Variants in LRRC56 observed in about 807,000 individuals in gnomAD.
LRRC56 encodes leucine rich repeat containing 56.
LRRC56 carries 41 observed loss-of-function variants against 47.8 expected under a neutral mutation model. The observed-to-expected ratio is 0.86, with a 90% CI of 0.67 to 1.11. The LOEUF (loss-of-function observed/expected upper bound fraction) is 1.11, where lower values mean the gene tolerates loss of function less well. Among genes scored for constraint, LRRC56 ranks in the 50% most tolerant of loss-of-function variants. LRRC56 has a pLI of 0.00. For synonymous variants in LRRC56, 387 were observed against 311.2 expected, an observed-to-expected ratio of 1.24 and a Z score of -2.56; for missense variants, 759 against 704.2, an observed-to-expected ratio of 1.08 and a Z score of -0.88.
At chr11:509,783 T>G in the LRRC56 span, among the ~76,000 whole-genome samples, 1 of 150,436 alleles carries the variant, frequency 6.6e-6, no homozygotes, top group South Asian at 2.1e-4. Context: ...CAGGATGGTC[T>G]CGAGCTCCTG....
Position 552,595 on chromosome 11 carries a change from C to T in LRRC56, c.1208C>T (p.Ser403Phe), listed in dbSNP as rs756773238. The change falls in exon 13 of 14, where the codon TCC becomes TTC. Residue 403 changes from serine to phenylalanine, a missense_variant. Ser to Phe is a radical substitution (Grantham distance 155, BLOSUM62 -2). Coordinates refer to ENST00000270115, the MANE Select transcript of LRRC56 (RefSeq NM_198075.4). ...VRPLPYRHPE[S>F]QQEGAVAPWG... Reference sequence around the variant, plus strand: ...CCCCTCCCCTATAGGCACCCGGAGTCCCAACAGGAAGGGGCTGTAGCCCCC... The same window carrying T: ...CCCCTCCCCTATAGGCACCCGGAGTTCCAACAGGAAGGGGCTGTAGCCCCC... 111 of 1,608,320 alleles carry T rather than the reference C, an allele frequency of 6.9e-5. 1 individual carries two copies. The South Asian group carries it at 1.0e-3, about 15-fold the overall frequency.
intron 6 of LRRC56, among the ~76,000 whole-genome samples, chr11:546,381 A>G (rs1852081183): frequency 6.6e-6 from 1 of 152,078 alleles, no homozygotes. Context: ...ATACTGACTA[A>G]CATGGTGAAA....
the LRRC56 span, among the ~76,000 whole-genome samples, chr11:525,406 G>A: frequency 1.3e-5 from 2 of 152,132 alleles, no homozygotes; most frequent in African/African-American, 4.8e-5. Context: ...GGCCGTGGTG[G>A]CGGCCGCCTG....
chr11:544,960 T>G, intron 6 of LRRC56, among the ~76,000 whole-genome samples, 180 bp downstream of exon 6: 1 of 145,400 alleles, frequency 6.9e-6, no homozygotes, highest in African/African-American at 2.6e-5. Context: ...CTGTGGAGGG[T>G]GGATGGGCAG....
the LRRC56 span, chr11:532,407 C>T: frequency 1.9e-5 from 12 of 640,672 alleles, 1 homozygote; most frequent in South Asian, 2.3e-4. Context: ...GCCCACGGTC[C>T]CGGGGTGACT....
chr11:545,364 A>G (rs1450502784), intron 6 of LRRC56, among the ~76,000 whole-genome samples: 1 of 152,230 alleles, frequency 6.6e-6, no homozygotes, highest in Non-Finnish European at 1.5e-5. Flanking sequence ...ATTGCAGCCC[A>G]GGACTTTGGC....
chr11:549,914 G>A lies in LRRC56; in HGVS notation c.339G>A (p.Thr113=), dbSNP rs367693306. ...SHLGSLRDLG[T]SLGHLQVLWL... ...CTGCCTTCTGCAGGGACTTGGGCAC[G>A]TCTCTGGGCCACCTGCAGGTGCTGT... The change falls in exon 7 of 14, where the codon ACG becomes ACA. Residue 113 remains threonine, a synonymous_variant. Coordinates refer to ENST00000270115, the MANE Select transcript of LRRC56 (RefSeq NM_198075.4). 4.8e-5 allele frequency: 77 copies of A among 1,612,896 alleles called. No homozygotes were observed. The highest frequency in any genetic ancestry group is 5.3e-5 in the African/African-American group (4 of 74,932).
the LRRC56 span, among the ~76,000 whole-genome samples, chr11:519,028 A>G: frequency 2.6e-5 from 4 of 151,486 alleles, no homozygotes; most frequent in South Asian, 6.2e-4. Context: ...GGCTTCTCCG[A>G]AAGCCGCGAG....
At chr11:523,316 G>A in the LRRC56 span, among the ~76,000 whole-genome samples, 20 of 146,344 alleles carry the variant, frequency 1.4e-4, no homozygotes, top group African/African-American at 4.3e-4. Flanking sequence ...GAGCCACCTC[G>A]CCCAGCAATA....
At chr11:511,045 G>T in the LRRC56 span, among the ~76,000 whole-genome samples, 1 of 152,160 alleles carries the variant, frequency 6.6e-6, no homozygotes, top group Admixed American at 6.5e-5. Flanking sequence ...ACACTGGCCC[G>T]GCACGGTGGC....
chr11:550,476 G>A (rs1852327029), intron 8 of LRRC56, among the ~76,000 whole-genome samples: 1 of 152,182 alleles, frequency 6.6e-6, no homozygotes, highest in Admixed American at 6.5e-5. Context: ...AGATCCCACA[G>A]GGTCACCTGC....
chr11:545,442 G>C (rs978314262), intron 6 of LRRC56, among the ~76,000 whole-genome samples: 1 of 152,196 alleles, frequency 6.6e-6, no homozygotes, highest in Non-Finnish European at 1.5e-5. Context: ...CCTGCACGTA[G>C]AACCCAGACC....
chr11:509,142 G>A, the LRRC56 span, among the ~76,000 whole-genome samples: 1 of 152,002 alleles, frequency 6.6e-6, no homozygotes, highest in African/African-American at 2.4e-5. Flanking sequence ...CAGCCAACCT[G>A]GCTGTGACCC....
chr11:517,129 C>T, the LRRC56 span, among the ~76,000 whole-genome samples: 8 of 152,360 alleles, frequency 5.3e-5, no homozygotes, highest in African/African-American at 1.4e-4. Flanking sequence ...GGATTGCAGA[C>T]GGAGTCTTGC....
chr11:550,950 C>T (rs1852350274), intron 8 of LRRC56, among the ~76,000 whole-genome samples, 181 bp from the exon 9 acceptor site: 1 of 152,124 alleles, frequency 6.6e-6, no homozygotes, highest in Non-Finnish European at 1.5e-5. Context: ...GAGCCCAGTC[C>T]CTCAGTCCCT....
In LRRC56 at chr11:541,189, C is replaced by T. The variant is rs1435137856; in HGVS notation, c.177+328C>T. 6.6e-6 allele frequency among the ~76,000 whole-genome samples: 1 copy of T among 152,186 alleles called. No homozygotes were observed. Among genetic ancestry groups the T allele is most frequent in the Non-Finnish European group, 1.5e-5 (1 of 68,024 alleles). ...TATCCTCCAACCAAAGAGGGGGGTC[C>T]TTCACTCAAGCGGGAGACCAGATGG... On this transcript the variant is annotated intron_variant, in intron 4 of 13. Coordinates refer to ENST00000270115, the MANE Select transcript of LRRC56 (RefSeq NM_198075.4). This position sits in a 1 kb window ranked among gnomAD's most constrained non-coding sequence, Gnocchi z 4.1.
At chr11:535,075 G>T (rs541612764), upstream of LRRC56, among the ~76,000 whole-genome samples, 1 of 152,136 alleles carries the variant, frequency 6.6e-6, no homozygotes, top group Admixed American at 6.5e-5. Context: ...GTGCCCGGGC[G>T]TGCCGTGGCC....
At chr11:525,159 T>C in the LRRC56 span, among the ~76,000 whole-genome samples, 5 of 151,080 alleles carry the variant, frequency 3.3e-5, no homozygotes, top group East Asian at 9.8e-4. Flanking sequence ...ATCCCAGCAC[T>C]TTGGGAGGCC....
chr11:552,005 T>C (rs1852421558), intron 11 of LRRC56, 38 bp downstream of exon 11: 1 of 1,610,908 alleles, frequency 6.2e-7, no homozygotes, highest in Non-Finnish European at 8.5e-7. Flanking sequence ...CGAGAACCAG[T>C]GTCCAGGGTT....
Sources: allele counts gnomAD v4.1 joint callset (sites outside exome capture counted in the v4.1 genomes callset), GRCh38; gene constraint gnomAD v4.1.1; non-coding constraint Gnocchi (gnomAD v3.1); transcripts MANE v1.5; gene names NCBI Gene and HGNC (gene_info 2026-07-23, HGNC 2026-07-21).